The following ANKRD30B variants were observed in gnomAD, a reference collection of about 807,000 sequenced individuals.
ANKRD30B encodes ankyrin repeat domain 30B.
ANKRD30B carries 144 observed loss-of-function variants against 202.2 expected under a neutral mutation model. The observed-to-expected ratio is 0.71, with a 90% CI of 0.62 to 0.82. The LOEUF is 0.82. ANKRD30B is among the 40% of genes least tolerant of loss of function. ANKRD30B has a pLI of 0.00. For synonymous variants in ANKRD30B, 508 were observed against 561.3 expected (o/e 0.91, Z 1.34); for missense variants, 1,487 against 1,669.1 (o/e 0.89, Z 1.90).
the ANKRD30B span, among the ~76,000 whole-genome samples, chr18:14,921,397 A>C: frequency 6.7e-6 from 1 of 149,038 alleles, no homozygotes; most frequent in Non-Finnish European, 1.5e-5. Flanking sequence ...GCAGGAGACA[A>C]ATGAGGCGCG....
the ANKRD30B span, among the ~76,000 whole-genome samples, chr18:14,901,407 T>C: frequency 6.6e-6 from 1 of 152,208 alleles, no homozygotes; most frequent in East Asian, 1.9e-4. Context: ...ATGAATGAGT[T>C]CATGAAGATT....
intron 30 of ANKRD30B, among the ~76,000 whole-genome samples, chr18:14,822,280 A>G (rs1449476473): frequency 6.6e-5 from 10 of 151,698 alleles, no homozygotes; most frequent in Non-Finnish European, 1.2e-4. Flanking sequence ...TGTTTGAGGA[A>G]ATTTATTTTT....
chr18:14,928,198 C>T, the ANKRD30B span, among the ~76,000 whole-genome samples: 1 of 152,140 alleles, frequency 6.6e-6, no homozygotes, highest in Non-Finnish European at 1.5e-5. Flanking sequence ...TAACTCCCGA[C>T]CTCAGGCGAT....
At chr18:14,831,599 A>G (rs541117866) in intron 34 of ANKRD30B, 144 bp downstream of exon 34, 6 of 523,928 alleles carry the variant, frequency 1.1e-5, no homozygotes, top group Non-Finnish European at 2.0e-5. Context: ...TTTTATAGAA[A>G]TATGAGTAGT....
the ANKRD30B span, among the ~76,000 whole-genome samples, chr18:14,934,006 G>A: frequency 1.3e-5 from 2 of 152,142 alleles, no homozygotes; most frequent in Non-Finnish European, 2.9e-5. Flanking sequence ...CCTCTGGATC[G>A]TACCCCAGAC....
At chr18:14,899,034 C>T in the ANKRD30B span, among the ~76,000 whole-genome samples, 2 of 152,094 alleles carry the variant, frequency 1.3e-5, no homozygotes, top group Admixed American at 6.6e-5. Context: ...AGACCATAAA[C>T]GTATTTTACA....
At chr18:14,869,281 T>C in the ANKRD30B span, among the ~76,000 whole-genome samples, 1 of 151,604 alleles carries the variant, frequency 6.6e-6, no homozygotes, top group Admixed American at 6.6e-5. Context: ...AGTTCTGGAG[T>C]CCTTAGACGG....
intron 7 of ANKRD30B, among the ~76,000 whole-genome samples, chr18:14,766,663 C>G (rs1462167813): frequency 1.3e-5 from 2 of 151,896 alleles, no homozygotes; most frequent in Non-Finnish European, 2.9e-5. Flanking sequence ...AGATAGAACT[C>G]TGGTTGGAGA....
the ANKRD30B span, among the ~76,000 whole-genome samples, chr18:14,899,477 A>G: frequency 1.3e-4 from 20 of 152,210 alleles, no homozygotes; most frequent in Admixed American, 8.5e-4. Flanking sequence ...TTTACAATTT[A>G]TTTGGTTTCT....
chr18:14,867,946 TGAA>T, the ANKRD30B span, among the ~76,000 whole-genome samples: 1 of 152,244 alleles, frequency 6.6e-6, no homozygotes, highest in South Asian at 2.1e-4. Context: ...GCCAGGCTGA[TGAA>T]GGAGGTGTCC....
At chr18:14,789,054 C>G (rs558648230) in intron 15 of ANKRD30B, among the ~76,000 whole-genome samples, 3,661 of 151,762 alleles carry the variant, frequency 0.024, 136 homozygotes, top group African/African-American at 0.083. Flanking sequence ...TCTCCAGCAC[C>G]TGTTGTTTCC....
At chr18:14,913,249 T>C in the ANKRD30B span, among the ~76,000 whole-genome samples, 1 of 152,194 alleles carries the variant, frequency 6.6e-6, no homozygotes, top group Non-Finnish European at 1.5e-5. Context: ...AGCTATTAAA[T>C]AAAGGATTGC....
chr18:14,815,567 A>C (rs1465021350), intron 30 of ANKRD30B, among the ~76,000 whole-genome samples: 1 of 152,140 alleles, frequency 6.6e-6, no homozygotes, highest in Non-Finnish European at 1.5e-5. Flanking sequence ...GAAGAAGAGT[A>C]ATTGGATAAA....
the ANKRD30B span, among the ~76,000 whole-genome samples, chr18:14,911,188 T>A: frequency 2.0e-5 from 3 of 152,098 alleles, no homozygotes; most frequent in East Asian, 5.8e-4. Flanking sequence ...GTCATACATT[T>A]TTTTTTGCCA....
At chr18:14,931,817 T>A in the ANKRD30B span, among the ~76,000 whole-genome samples, 8 of 147,330 alleles carry the variant, frequency 5.4e-5, no homozygotes, top group South Asian at 1.6e-3. Context: ...GATGGAGTCC[T>A]GAACAGAGAA....
intron 20 of ANKRD30B, among the ~76,000 whole-genome samples, chr18:14,798,159 G>A (rs1262895158): frequency 6.6e-6 from 1 of 150,564 alleles, no homozygotes; most frequent in Non-Finnish European, 1.5e-5. Context: ...ACAAGATAGT[G>A]AAAGCTGTGT....
rs1477155959 is a variant in ANKRD30B, at chr18:14,820,452, G to T, written c.2642-2031G>T. On this transcript the variant is annotated intron_variant, in intron 30 of 43. Coordinates refer to ENST00000690538, the MANE Select transcript of ANKRD30B (RefSeq NM_001367607.2). The stretch of plus-strand genomic sequence containing the variant: ...CCCTGTATTGTGCCAGTTTTCAAAG[G>T]GAATGCTTCCAGTTTTTGCCCATTC... 2.0e-5 allele frequency among the ~76,000 whole-genome samples: 3 copies of T among 152,202 alleles called. No homozygotes were observed. In the East Asian group the frequency reaches 5.8e-4, roughly 30 times the overall value.
At chr18:14,932,679 T>C in the ANKRD30B span, among the ~76,000 whole-genome samples, 1 of 152,138 alleles carries the variant, frequency 6.6e-6, no homozygotes, top group Non-Finnish European at 1.5e-5. Context: ...CTGGGTATGT[T>C]CTGGGACCCA....
rs982959550 is a variant in ANKRD30B, at chr18:14,854,279, C to A, written c.*121C>A. On this transcript the variant is annotated 3_prime_UTR_variant, in exon 44 of 44. Transcript: ENST00000690538. ...GAAAAGGTAAAATGAAAAGAAATAA[C>A]CAAAAATTTACTTCCCAAGATAGGA... Among the ~76,000 whole-genome samples, 2 of 151,554 alleles carry A rather than the reference C, an allele frequency of 1.3e-5. No homozygotes were observed. The highest frequency in any genetic ancestry group is 2.1e-4 in the South Asian group (1 of 4,814).
Sources: allele counts gnomAD v4.1 joint callset (sites outside exome capture counted in the v4.1 genomes callset), GRCh38; gene constraint gnomAD v4.1.1; transcripts MANE v1.5; gene names NCBI Gene and HGNC (gene_info 2026-07-23, HGNC 2026-07-21).